Variants in PCDHGA6 observed in about 807,000 individuals in gnomAD.
The protein encoded by PCDHGA6 is protocadherin gamma-A6.
PCDHGA6 carries 41 observed loss-of-function variants against 60.6 expected under a neutral mutation model. The ratio of observed to expected loss-of-function variants is 0.68; its 90% confidence interval spans 0.53 to 0.88. The LOEUF is 0.88. PCDHGA6 is among the 40% of genes least tolerant of loss of function. PCDHGA6 has a pLI of 0.00. For missense variants in PCDHGA6, 1,312 were observed against 1,203.0 expected, an observed-to-expected ratio of 1.09 and a Z score of -1.34; for synonymous variants, 594 against 524.4, an observed-to-expected ratio of 1.13 and a Z score of -1.81.
rs781580216 is a variant in PCDHGA6 at position 141,430,931 on chromosome 5, G to A, written c.2424+54424G>A. The stretch of plus-strand genomic sequence containing the variant: ...CAGGGACCTGGGGCTGGAGCCCCGG[G>A]AGCTCGCGGAGCGCGGAGTCCGCAT... On this transcript the variant is annotated intron_variant, in intron 1 of 3. Coordinates refer to ENST00000517434, the MANE Select transcript of PCDHGA6 (RefSeq NM_018919.3). The A allele has an allele frequency of 1.5e-5, 24 of 1,607,530 alleles. No individual in the cohort carries two copies. In the East Asian group the frequency reaches 4.9e-4, roughly 33 times the overall value.
At chr5:141,415,656 T>C (rs1211470385) in intron 1 of PCDHGA6, 9 of 1,585,542 alleles carry the variant, frequency 5.7e-6, no homozygotes, top group African/African-American at 1.4e-5. Flanking sequence ...AAAAAAAGAT[T>C]GGTTTTTACT....
intron 1 of PCDHGA6, chr5:141,404,669 A>G: frequency 1.9e-6 from 3 of 1,614,100 alleles, no homozygotes; most frequent in Non-Finnish European, 2.5e-6. Context: ...TGATGGTTCT[A>G]CTGGTGTGGA....
chr5:141,439,773 C>G (rs1323463060), intron 1 of PCDHGA6: 2 of 152,344 alleles, frequency 1.3e-5, no homozygotes, highest in East Asian at 3.9e-4. Flanking sequence ...TCCTTCTTGG[C>G]TGGAGATTCT....
At position 141,403,226 on chromosome 5, in the gene PCDHGA6, CG is replaced by C. The variant is rs539681713; in HGVS notation, c.2424+26722del. On this transcript the variant is annotated intron_variant, in intron 1 of 3. Transcript: ENST00000517434. Reference sequence around the variant, plus strand: ...CTTGGTCACCGCGGGTAGGATAGACCGGGAGGAGCTCTGTGCTCAGAGCCCG... The same window carrying C: ...CTTGGTCACCGCGGGTAGGATAGACCGGAGGAGCTCTGTGCTCAGAGCCCG... 1.5e-3 allele frequency: 2,492 copies of C among 1,613,926 alleles called. 3 individuals are homozygous for C. The highest frequency in any genetic ancestry group is 1.8e-3 in the Non-Finnish European group (2,143 of 1,179,902).
intron 1 of PCDHGA6, among the ~76,000 whole-genome samples, chr5:141,436,350 C>T (rs1034303123): frequency 5.9e-5 from 9 of 152,126 alleles, no homozygotes; most frequent in Non-Finnish European, 1.3e-4. Flanking sequence ...TCAGTGACTT[C>T]AATCAACTAT....
intron 1 of PCDHGA6, chr5:141,385,199 A>C (rs1185520352): frequency 6.2e-7 from 1 of 1,614,064 alleles, no homozygotes; most frequent in African/African-American, 1.3e-5. Flanking sequence ...CGGAAGAGTC[A>C]CCTGATCTTC....
chr5:141,416,062 T>G, intron 1 of PCDHGA6: 1 of 176,822 alleles, frequency 5.7e-6, no homozygotes, highest in Non-Finnish European at 1.2e-5. Flanking sequence ...AATCCAAGAA[T>G]ACTCAATGCA....
At position 141,376,036 on chromosome 5, in the gene PCDHGA6, G is replaced by T; in HGVS notation, c.1953G>T (p.Gln651His). 1 of 1,613,116 alleles carries T rather than the reference G, an allele frequency of 6.2e-7. No individual in the cohort carries two copies. Among genetic ancestry groups the T allele is most frequent in the Non-Finnish European group, 8.5e-7 (1 of 1,179,860 alleles). Reference sequence around the variant, plus strand: ...TGGTGGCCGTCCAGGACCACGGCCAGCCCCCTCTCTCCGCCACTGTCACGC... The same window carrying T: ...TGGTGGCCGTCCAGGACCACGGCCATCCCCCTCTCTCCGCCACTGTCACGC... ...SLVVAVQDHG[Q>H]PPLSATVTLT... Residue 651 changes from glutamine (Q) to histidine (H), a missense_variant, in exon 1 of 4, where the codon CAG becomes CAT. Gln to His is a conservative substitution (Grantham distance 24). Transcript: ENST00000517434.
Position 141,374,153 on chromosome 5 carries a change from TG to T in PCDHGA6, c.76del (p.Ala26ProfsTer20). ...VLLLTLLGTL[W>X]GAAAAQIRYS... ...GCTCCTCACGCTCCTGGGGACGCTG[TG>T]GGGGGCCGCGGCAGCGCAGATCCGC... is the stretch of plus-strand genomic sequence containing the variant. On this transcript the variant is annotated frameshift_variant, in exon 1 of 4. Coordinates refer to ENST00000517434, the MANE Select transcript of PCDHGA6 (RefSeq NM_018919.3). LOFTEE classifies it high-confidence loss of function. The T allele has an allele frequency of 6.2e-7, 1 of 1,612,060 alleles. No individual in the cohort carries two copies. The highest frequency in any genetic ancestry group is 1.3e-5 in the African/African-American group (1 of 75,012).
rs1561745511 is a variant in PCDHGA6 at position 141,413,844 on chromosome 5, C to T, written c.2424+37337C>T. The stretch of plus-strand genomic sequence containing the variant: ...TCCTCACCGCCTCCGACGGGGGTGA[C>T]CCTCTCCGATCTGGCACTGTCCTTG... On this transcript the variant is annotated intron_variant, in intron 1 of 3. Transcript: ENST00000517434. The T allele has an allele frequency of 5.6e-6, 9 of 1,613,254 alleles. No homozygotes were observed. The East Asian group carries it at 6.7e-5, about 12-fold the overall frequency.
rs777924092 is a variant in PCDHGA6 at position 141,487,482 on chromosome 5, A to T, written c.2425-7325A>T. The T allele has an allele frequency of 1.2e-6, 2 of 1,614,164 alleles. No individual in the cohort carries two copies. Among genetic ancestry groups the T allele is most frequent in the South Asian group, 2.2e-5 (2 of 91,086 alleles). ...TTTGTTGATGTGGGAGGCCACTCTCATGGCTGTACACCCTTGGCTTCTGCA... is the reference window on the plus strand; with the variant it reads ...TTTGTTGATGTGGGAGGCCACTCTCTTGGCTGTACACCCTTGGCTTCTGCA... On this transcript the variant is annotated intron_variant, in intron 1 of 3. Coordinates refer to ENST00000517434, the MANE Select transcript of PCDHGA6 (RefSeq NM_018919.3). The surrounding 1 kb of genome is among the most constrained non-coding windows in gnomAD (Gnocchi z 5.0).
At chr5:141,398,565 A>G (rs2150749377) in intron 1 of PCDHGA6, 2 of 1,614,040 alleles carry the variant, frequency 1.2e-6, no homozygotes, top group South Asian at 1.1e-5. Context: ...GTGAGTCTGC[A>G]CAGCCTGGCA....
At chr5:141,421,638 C>G (rs775131295) in intron 1 of PCDHGA6, 2 of 1,613,770 alleles carry the variant, frequency 1.2e-6, no homozygotes, top group South Asian at 1.1e-5. Context: ...TCCAGGAGGA[C>G]GAAGTGGAGA....
intron 1 of PCDHGA6, chr5:141,394,137 G>A (rs1406338034): frequency 6.2e-6 from 10 of 1,613,902 alleles, no homozygotes; most frequent in East Asian, 2.2e-5. Context: ...CGCTCTGCAC[G>A]TGGCAGACAT....
In PCDHGA6 at chr5:141,485,961, A is replaced by C. The variant is rs766687554; in HGVS notation, c.2425-8846A>C. ...GCACCAGCGGGCATGGTGCTCATCC[A>C]GCTCAATGCCTCAGACCCGGACCTG... On this transcript the variant is annotated intron_variant, in intron 1 of 3. Coordinates refer to ENST00000517434, the MANE Select transcript of PCDHGA6 (RefSeq NM_018919.3). The surrounding 1 kb of genome is among the most constrained non-coding windows in gnomAD (Gnocchi z 5.7). 6.2e-7 allele frequency: 1 copy of C among 1,614,204 alleles called. No homozygotes were observed. The highest frequency in any genetic ancestry group is 1.1e-5 in the South Asian group (1 of 91,090).
At chr5:141,450,211 T>TTTCA (rs1038674129) in intron 1 of PCDHGA6, among the ~76,000 whole-genome samples, 23 of 152,166 alleles carry the variant, frequency 1.5e-4, no homozygotes, top group African/African-American at 4.3e-4. Flanking sequence ...AGAGACAAGG[T>TTTCA]TTCACTATGT....
chr5:141,404,707 C>A, intron 1 of PCDHGA6: 1 of 1,614,122 alleles, frequency 6.2e-7, no homozygotes, highest in South Asian at 1.1e-5. Flanking sequence ...CAGAGCCTGG[C>A]TACCTGGTGA....
In PCDHGA6 at chr5:141,413,305, G is replaced by A. The variant is rs780711139; in HGVS notation, c.2424+36798G>A. 1.5e-5 allele frequency: 25 copies of A among 1,613,870 alleles called. No individual in the cohort carries two copies. The South Asian group carries it at 2.0e-4, about 13-fold the overall frequency. ...CTCCTACTCAATTCCTGAGGAATTA[G>A]AGAAAGGCTCTTTCGTGGGCAACAT... is the stretch of plus-strand genomic sequence containing the variant. On this transcript the variant is annotated intron_variant, in intron 1 of 3. Transcript: ENST00000517434.
At chr5:141,445,508 T>C (rs2098468947) in intron 1 of PCDHGA6, among the ~76,000 whole-genome samples, 1 of 152,200 alleles carries the variant, frequency 6.6e-6, no homozygotes, top group Non-Finnish European at 1.5e-5. Context: ...TAATACATGA[T>C]ATTTTACAGG....
Sources: gnomAD v4.1 joint callset for allele counts (sites outside exome capture counted in the v4.1 genomes callset) on GRCh38, gnomAD v4.1.1 for gene constraint, Gnocchi (gnomAD v3.1) non-coding constraint, MANE v1.5 for transcripts, NCBI Gene and HGNC (gene_info 2026-07-23, HGNC 2026-07-21) for gene names.